EXOC2: variants seen among roughly 807,000 people sequenced by gnomAD.
EXOC2 encodes SEC5-like 1.
A neutral mutation model predicts 131.8 loss-of-function variants in EXOC2; 70 were observed. The observed-to-expected ratio is 0.53, with a 90% CI of 0.44 to 0.65. The LOEUF (loss-of-function observed/expected upper bound fraction) is 0.65, where lower values mean the gene tolerates loss of function less well. Ranked by LOEUF, EXOC2 falls within the 30% of genes least tolerant of loss-of-function variation. EXOC2 has a pLI of 0.00. For synonymous variants in EXOC2, 411 were observed against 398.4 expected (o/e 1.03, Z -0.38); for missense variants, 923 against 1,108.6 (o/e 0.83, Z 2.38).
chr6:608,694 A>G (rs1270973538), intron 7 of EXOC2, among the ~76,000 whole-genome samples: 2 of 152,252 alleles, frequency 1.3e-5, no homozygotes, highest in African/African-American at 2.4e-5. Flanking sequence ...AGCCTAACAC[A>G]TGAAACAGAC....
intron 22 of EXOC2, among the ~76,000 whole-genome samples, chr6:541,808 A>G (rs1034010847): frequency 2.3e-4 from 35 of 152,224 alleles, no homozygotes; most frequent in Non-Finnish European, 4.1e-4. Flanking sequence ...TCATCTCACA[A>G]AGAAAATCTG....
intron 1 of EXOC2, among the ~76,000 whole-genome samples, chr6:668,878 G>GT (rs1240107318): frequency 1.3e-5 from 2 of 152,034 alleles, no homozygotes; most frequent in African/African-American, 4.8e-5. Context: ...TGTTTTTGTT[G>GT]TTTTTTTATT....
At position 561,905 on chromosome 6, in the gene EXOC2, A is replaced by C. The variant is rs1236118971; in HGVS notation, c.1851+879T>G. 2.0e-5 allele frequency among the ~76,000 whole-genome samples: 3 copies of C among 152,318 alleles called. No individual in the cohort carries two copies. The East Asian group carries it at 5.8e-4, about 29-fold the overall frequency. ...CCTATCCTTTTTTCTTAATAAGGTA[A>C]GACAGAAAACAGGAGCAGCCACGTG... On this transcript the variant is annotated intron_variant, in intron 17 of 27. Transcript: ENST00000230449.
In EXOC2 at chr6:532,565, T is replaced by C. The variant is rs764541090; in HGVS notation, c.2284A>G (p.Asn762Asp). The part of the protein sequence containing the change: ...LKELDQRLFE[N>D]YIELKADPIV... ...GGATCTGCTTTCAACTCGATGTAAT[T>C]TTCAAAGAGTCTTTGATCTAGTTCT... Residue 762 changes from asparagine (N) to aspartate (D), a missense_variant, in exon 23 of 28, where the codon AAT (asparagine) becomes GAT (aspartate). Coordinates refer to ENST00000230449, the MANE Select transcript of EXOC2 (RefSeq NM_018303.6). 2 of 1,609,512 alleles carry C rather than the reference T, an allele frequency of 1.2e-6. No homozygotes were observed. Among genetic ancestry groups the C allele is most frequent in the Non-Finnish European group, 1.7e-6 (2 of 1,178,616 alleles).
At chr6:577,897 C>T (rs989712917) in intron 11 of EXOC2, among the ~76,000 whole-genome samples, 5 of 152,212 alleles carry the variant, frequency 3.3e-5, no homozygotes, top group African/African-American at 1.2e-4. Context: ...AAGGTCACCT[C>T]TTCCTCTTAT....
intron 11 of EXOC2, among the ~76,000 whole-genome samples, chr6:579,069 C>T (rs1758744027): frequency 6.6e-6 from 1 of 152,060 alleles, no homozygotes; most frequent in Non-Finnish European, 1.5e-5. Context: ...ATGCTTTAAA[C>T]TGTTACATTT....
chr6:688,434 A>C (rs1441982118), intron 1 of EXOC2, among the ~76,000 whole-genome samples: 2 of 152,210 alleles, frequency 1.3e-5, no homozygotes, highest in Non-Finnish European at 2.9e-5. Context: ...CAGATGCTAC[A>C]GAACAACAAC....
intron 1 of EXOC2, among the ~76,000 whole-genome samples, chr6:672,642 C>T (rs187873824): frequency 6.6e-5 from 10 of 152,212 alleles, no homozygotes; most frequent in Admixed American, 6.5e-4. Context: ...TACCCTGTGG[C>T]CTCAATTTTC....
rs1447654494 is a variant in EXOC2 at position 548,727 on chromosome 6, C to T, written c.2238+448G>A. On this transcript the variant is annotated intron_variant, in intron 22 of 27. Transcript: ENST00000230449. Reference sequence around the variant, plus strand: ...AAGCAAAAGCATCCTTGAGGTCATACAGAAAGGGAGAGAGGAAGGAGAGGT... The same window carrying T: ...AAGCAAAAGCATCCTTGAGGTCATATAGAAAGGGAGAGAGGAAGGAGAGGT... Among the ~76,000 whole-genome samples the T allele has an allele frequency of 7.2e-5, 11 of 152,164 alleles. 1 individual carries two copies. Among genetic ancestry groups the T allele is most frequent in the Non-Finnish European group, 1.5e-4 (10 of 68,030 alleles).
chr6:525,388 T>C (rs1437226793), intron 23 of EXOC2: 2 of 152,212 alleles, frequency 1.3e-5, no homozygotes, highest in African/African-American at 4.8e-5. Flanking sequence ...CAATGAGTGT[T>C]CTTGCAATGA....
At chr6:581,978 G>C (rs1354661809) in intron 11 of EXOC2, among the ~76,000 whole-genome samples, 1 of 152,030 alleles carries the variant, frequency 6.6e-6, no homozygotes, top group Non-Finnish European at 1.5e-5. Context: ...AAAACAGTTG[G>C]AAAATTTGTT....
intron 13 of EXOC2, among the ~76,000 whole-genome samples, chr6:566,115 A>T (rs1032511806): frequency 6.6e-6 from 1 of 152,220 alleles, no homozygotes; most frequent in Non-Finnish European, 1.5e-5. Flanking sequence ...AAAGGTATGT[A>T]TAAAAACTAA....
At chr6:552,848 G>A (rs1346212347) in intron 21 of EXOC2, among the ~76,000 whole-genome samples, 3 of 151,644 alleles carry the variant, frequency 2.0e-5, no homozygotes, top group Admixed American at 2.0e-4. Context: ...TTTACCTTGA[G>A]ACAGACACAG....
intron 24 of EXOC2, among the ~76,000 whole-genome samples, chr6:498,536 T>A (rs970824838): frequency 3.3e-5 from 5 of 152,214 alleles, no homozygotes; most frequent in Non-Finnish European, 5.9e-5. Flanking sequence ...CTGAGTTAAA[T>A]CATATAAAAA....
intron 17 of EXOC2, among the ~76,000 whole-genome samples, chr6:556,827 A>T (rs1490997045): frequency 6.6e-6 from 1 of 152,178 alleles, no homozygotes; most frequent in Admixed American, 6.5e-5. Context: ...ATGACTAAAA[A>T]TTTTCTTCAA....
At chr6:565,610 AG>A (rs1205746793) in intron 13 of EXOC2, among the ~76,000 whole-genome samples, 1 of 152,244 alleles carries the variant, frequency 6.6e-6, no homozygotes, top group East Asian at 1.9e-4. Context: ...AAGCCCAGGA[AG>A]CTTTCTAAAT....
intron 7 of EXOC2, among the ~76,000 whole-genome samples, chr6:605,140 T>A (rs1239402933): frequency 6.6e-6 from 1 of 152,216 alleles, no homozygotes; most frequent in East Asian, 1.9e-4. Flanking sequence ...TCTGAATCAA[T>A]GACCAGTATT....
chr6:660,241 T>C (rs140831144), intron 1 of EXOC2, among the ~76,000 whole-genome samples: 1,762 of 136,896 alleles, frequency 0.013, 28 homozygotes, highest in African/African-American at 0.044. Context: ...ACATATAATC[T>C]TGGGAGTTCT....
At chr6:683,150 C>A (rs1021879284) in intron 1 of EXOC2, among the ~76,000 whole-genome samples, 3 of 152,134 alleles carry the variant, frequency 2.0e-5, no homozygotes, top group Non-Finnish European at 2.9e-5. Flanking sequence ...ACTGACCTTG[C>A]GGGAAGATGT....
Sources: gnomAD v4.1 joint callset for allele counts (sites outside exome capture counted in the v4.1 genomes callset) on GRCh38, gnomAD v4.1.1 for gene constraint, MANE v1.5 for transcripts, NCBI Gene and HGNC (gene_info 2026-07-23, HGNC 2026-07-21) for gene names.